Variants in PCDH17 observed in about 807,000 individuals in gnomAD.
PCDH17 encodes the protein protocadherin 17.
Under a neutral mutation model 67.7 loss-of-function variants are expected in PCDH17, and 21 were observed. The observed-to-expected ratio is 0.31, with a 90% confidence interval of 0.22 to 0.45. The LOEUF is 0.45. Among genes scored for constraint, PCDH17 ranks in the 20% least tolerant of loss-of-function variants. PCDH17 has a pLI of 1.00. For missense variants in PCDH17, 1,471 were observed against 1,564.8 expected (o/e 0.94, Z 1.01); for synonymous variants, 701 against 656.7 (o/e 1.07, Z -1.03).
chr13:57,633,581 C>T lies in PCDH17; in HGVS notation c.1035C>T (p.Asn345=), dbSNP rs763819380. 2.2e-5 allele frequency: 36 copies of T among 1,613,358 alleles called. No homozygotes were observed. Among genetic ancestry groups the T allele is most frequent in the Non-Finnish European group, 3.1e-5 (36 of 1,180,034 alleles). The part of the protein sequence containing the change: ...CKVTVKLIDR[N]DNAPSIGFVS... The stretch of plus-strand genomic sequence containing the variant: ...TCACGGTCAAGCTCATCGACCGCAA[C>T]GACAATGCGCCGTCCATCGGTTTCG... Residue 345 remains asparagine, a synonymous_variant, in exon 1 of 4, where the codon AAC becomes AAT. Coordinates refer to ENST00000377918, the MANE Select transcript of PCDH17 (RefSeq NM_001040429.3). The surrounding 1 kb of genome is among the most constrained non-coding windows in gnomAD (Gnocchi z 6.2).
At chr13:57,711,502 A>G (rs1955775876) in intron 3 of PCDH17, among the ~76,000 whole-genome samples, 1 of 151,914 alleles carries the variant, frequency 6.6e-6, no homozygotes, top group Non-Finnish European at 1.5e-5. Flanking sequence ...ATGCATGCAT[A>G]ACTATATGTA....
At chr13:57,668,928 GTGTGC>G (rs1955288160) in intron 3 of PCDH17, among the ~76,000 whole-genome samples, 1 of 151,992 alleles carries the variant, frequency 6.6e-6, no homozygotes, top group Non-Finnish European at 1.5e-5. Flanking sequence ...TGCCATGTTG[GTGTGC>G]TGTACCCATT....
chr13:57,726,823 G>C lies in PCDH17; in HGVS notation c.*1529G>C, dbSNP rs182966413. On this transcript the variant is annotated 3_prime_UTR_variant, in exon 4 of 4. Transcript: ENST00000377918. Reference sequence around the variant, plus strand: ...CAAAAGTATTTTAAGTGCTTCAGATGTGTGTTCCCATTATATTTTGAAAAC... The same window carrying C: ...CAAAAGTATTTTAAGTGCTTCAGATCTGTGTTCCCATTATATTTTGAAAAC... The C allele has an allele frequency of 6.6e-6, 1 of 152,368 alleles. No homozygotes were observed. The highest frequency in any genetic ancestry group is 2.4e-5 in the African/African-American group (1 of 41,566). The allele number at this position is 152,368 out of a possible 1,614,324, so 9.4% of individuals were successfully genotyped here.
At position 57,639,609 on chromosome 13, in the gene PCDH17, A is replaced by G. The variant is rs75174840; in HGVS notation, c.2565+4498A>G. Among the ~76,000 whole-genome samples the G allele has an allele frequency of 5.1e-4, 78 of 152,056 alleles. No individual in the cohort carries two copies. In the East Asian group the frequency reaches 6.2e-3, roughly 12 times the overall value. On this transcript the variant is annotated intron_variant, in intron 1 of 3. Transcript: ENST00000377918. ...AAATTTTCAAAATGCAAGCTAGGTA[A>G]TATTTTACCATTCTTGTATTGAGAT...
Position 57,634,417 on chromosome 13 carries a change from C to T in PCDH17, c.1871C>T (p.Thr624Ile), listed in dbSNP as rs1954786567. The T allele has an allele frequency of 2.5e-6, 4 of 1,612,726 alleles. No homozygotes were observed. Among genetic ancestry groups the T allele is most frequent in the Non-Finnish European group, 3.4e-6 (4 of 1,179,938 alleles). Residue 624 changes from threonine to isoleucine, a missense_variant, in exon 1 of 4, where the codon ACC (threonine) becomes ATC (isoleucine). This residue lies in a region of PCDH17 where 1,163 missense variants were observed against 1,230.0 expected (regional missense o/e 0.95). Transcript: ENST00000377918. The surrounding 1 kb of genome is among the most constrained non-coding windows in gnomAD (Gnocchi z 7.8). ...DSDFGESGRL[T>I]YEIVDGNDDH... ...GACTTCGGCGAGAGCGGGCGTCTCACCTACGAGATCGTGGACGGCAACGAC... is the reference window on the plus strand; with the variant it reads ...GACTTCGGCGAGAGCGGGCGTCTCATCTACGAGATCGTGGACGGCAACGAC...
rs747177418 is a variant in PCDH17 at position 57,724,757 on chromosome 13, T to C, written c.2943T>C (p.Asn981=). ...TCTTTGTACCTACAGTTGAAGCTAA[T>C]GTTGAGACTGAGACTTACGAAACTG... ...TNLFVPTVEA[N]VETETYETVN... is the part of the protein sequence containing the mutation. Residue 981 remains asparagine, a synonymous_variant, in exon 4 of 4, where the codon AAT becomes AAC. Coordinates refer to ENST00000377918, the MANE Select transcript of PCDH17 (RefSeq NM_001040429.3). 4 of 1,614,068 alleles carry C rather than the reference T, an allele frequency of 2.5e-6. No individual in the cohort carries two copies. The East Asian group carries it at 6.7e-5, about 27-fold the overall frequency.
intron 1 of PCDH17, among the ~76,000 whole-genome samples, chr13:57,647,182 T>C (rs556603051): frequency 6.6e-6 from 1 of 152,020 alleles, no homozygotes; most frequent in Non-Finnish European, 1.5e-5. Context: ...TGGCAAGTAC[T>C]TTTTAGTCTT....
Position 57,633,778 on chromosome 13 carries a change from C to A in PCDH17, c.1232C>A (p.Pro411His). The A allele has an allele frequency of 6.2e-7, 1 of 1,601,574 alleles. No homozygotes were observed. Among genetic ancestry groups the A allele is most frequent in the Non-Finnish European group, 8.5e-7 (1 of 1,177,190 alleles). ...CTGGGCGGGCCCGGGGGTTCCGTCC[C>A]CTTCAAGCTTGAGGAGAACTACGAC... ...GGLGGPGGSV[P>H]FKLEENYDNF... Residue 411 changes from proline (P) to histidine (H), a missense_variant, in exon 1 of 4, where the codon CCC (proline) becomes CAC (histidine). Pro to His is a moderately conservative substitution (Grantham distance 77). Coordinates refer to ENST00000377918, the MANE Select transcript of PCDH17 (RefSeq NM_001040429.3). The surrounding 1 kb of genome is among the most constrained non-coding windows in gnomAD (Gnocchi z 6.2).
chr13:57,632,986 C>T lies in PCDH17; in HGVS notation c.440C>T (p.Pro147Leu), dbSNP rs202073176. The T allele has an allele frequency of 1.2e-6, 2 of 1,613,296 alleles. No individual in the cohort carries two copies. Among genetic ancestry groups the T allele is most frequent in the African/African-American group, 1.3e-5 (1 of 75,030 alleles). Residue 147 changes from proline to leucine, a missense_variant, in exon 1 of 4, where the codon CCG becomes CTG. Pro to Leu is a moderately conservative substitution (Grantham distance 98). This residue lies in a region of PCDH17 where 1,163 missense variants were observed against 1,230.0 expected (regional missense o/e 0.95). Coordinates refer to ENST00000377918, the MANE Select transcript of PCDH17 (RefSeq NM_001040429.3). ...IEMDISENAA[P>L]GTRFPLTSAH... is the part of the protein sequence containing the mutation. ...ATGGACATCTCGGAGAACGCTGCTC[C>T]GGGCACCCGCTTCCCCCTCACCAGC...
intron 3 of PCDH17, among the ~76,000 whole-genome samples, chr13:57,679,696 T>C (rs1314300958): frequency 6.6e-6 from 1 of 151,560 alleles, no homozygotes; most frequent in East Asian, 1.9e-4. Context: ...CTAATTTGAA[T>C]TACCGTGTTC....
At chr13:57,680,933 A>G in intron 3 of PCDH17, among the ~76,000 whole-genome samples, 1 of 151,906 alleles carries the variant, frequency 6.6e-6, no homozygotes, top group Middle Eastern at 3.4e-3. Flanking sequence ...TAAATATACA[A>G]CAAACCATAT....
At chr13:57,706,663 T>A (rs554519188) in intron 3 of PCDH17, among the ~76,000 whole-genome samples, 1 of 152,282 alleles carries the variant, frequency 6.6e-6, no homozygotes, top group East Asian at 1.9e-4. Flanking sequence ...TTTCTGCTAG[T>A]ATAAAATTCT....
At chr13:57,711,637 A>G (rs1955777221) in intron 3 of PCDH17, among the ~76,000 whole-genome samples, 1 of 151,742 alleles carries the variant, frequency 6.6e-6, no homozygotes, top group African/African-American at 2.4e-5. Context: ...AATATTTTCT[A>G]TTGAATATAT....
chr13:57,724,583 G>A (rs746173586), intron 3 of PCDH17, 29 bp from the exon 4 acceptor site: 1 of 1,569,742 alleles, frequency 6.4e-7, no homozygotes, highest in African/African-American at 1.4e-5. Context: ...CTAATGATTG[G>A]ATTTGCTGTT....
chr13:57,653,252 T>C (rs879154886), intron 1 of PCDH17, among the ~76,000 whole-genome samples: 1 of 152,190 alleles, frequency 6.6e-6, no homozygotes, highest in Admixed American at 6.5e-5. Flanking sequence ...TCCAGTAGAT[T>C]TCATTGCTTT....
At chr13:57,631,350 A>G (rs572507914), upstream of PCDH17, among the ~76,000 whole-genome samples, 3 of 152,196 alleles carry the variant, frequency 2.0e-5, no homozygotes, top group Non-Finnish European at 4.4e-5. Flanking sequence ...TGTGTGTGCA[A>G]GGACTGGGAG....
rs1003457594 is a variant in PCDH17 at position 57,645,858 on chromosome 13, C to T, written c.2565+10747C>T. Among the ~76,000 whole-genome samples, 10 of 151,152 alleles carry T rather than the reference C, an allele frequency of 6.6e-5. No individual in the cohort carries two copies. The South Asian group carries it at 1.9e-3, about 28-fold the overall frequency. ...TGTTATGTCTGTCTATTTTTTAAGG[C>T]TTTAAGGATTACCCAACCTCAGTCA... On this transcript the variant is annotated intron_variant, in intron 1 of 3. Transcript: ENST00000377918.
intron 3 of PCDH17, among the ~76,000 whole-genome samples, chr13:57,717,066 T>G (rs1282736389): frequency 6.6e-6 from 1 of 151,990 alleles, no homozygotes; most frequent in East Asian, 1.9e-4. Context: ...ATAAACCTTG[T>G]TCTGGTGGTA....
chr13:57,681,753 G>A (rs1326263193), intron 3 of PCDH17, among the ~76,000 whole-genome samples: 1 of 151,648 alleles, frequency 6.6e-6, no homozygotes, highest in African/African-American at 2.4e-5. Flanking sequence ...TAAATATATG[G>A]TCTATCTCCC....
Sources: allele counts gnomAD v4.1 joint callset (sites outside exome capture counted in the v4.1 genomes callset), GRCh38; gene constraint gnomAD v4.1.1; regional missense constraint gnomAD v4.1.1; non-coding constraint Gnocchi (gnomAD v3.1); transcripts MANE v1.5; gene names NCBI Gene and HGNC (gene_info 2026-07-23, HGNC 2026-07-21).